Variants in SLC24A2 observed in about 807,000 individuals in gnomAD.
SLC24A2 encodes sodium/potassium/calcium exchanger 2.
A neutral mutation model predicts 62.0 loss-of-function variants in SLC24A2; 36 were observed. The observed-to-expected ratio is 0.58, with a 90% confidence interval of 0.44 to 0.77. The LOEUF is 0.77. SLC24A2 is among the 30% of genes least tolerant of loss of function. SLC24A2 has a pLI of 0.00. For synonymous variants in SLC24A2, 358 were observed against 294.0 expected (o/e 1.22, Z -2.23); for missense variants, 846 against 817.9 (o/e 1.03, Z -0.42).
At chr9:20,243,975 G>A in the SLC24A2 span, among the ~76,000 whole-genome samples, 8 of 152,068 alleles carry the variant, frequency 5.3e-5, no homozygotes, top group Non-Finnish European at 1.0e-4. Flanking sequence ...GGGATCAGGC[G>A]GAGATTTCTA....
At chr9:19,732,617 C>T (rs1432843070) in intron 2 of SLC24A2, among the ~76,000 whole-genome samples, 1 of 152,174 alleles carries the variant, frequency 6.6e-6, no homozygotes, top group East Asian at 1.9e-4. Context: ...GTCAGTCATA[C>T]ATTAGTATAT....
the SLC24A2 span, among the ~76,000 whole-genome samples, chr9:20,009,190 C>T: frequency 1.3e-5 from 2 of 152,082 alleles, no homozygotes; most frequent in East Asian, 1.9e-4. Flanking sequence ...TCACTCCAGT[C>T]TCATCCTATG....
chr9:20,141,009 T>G, the SLC24A2 span, among the ~76,000 whole-genome samples: 2 of 152,006 alleles, frequency 1.3e-5, no homozygotes, highest in African/African-American at 4.8e-5. Context: ...CTTTATCATC[T>G]CTCCTCTCCT....
At chr9:19,912,227 C>T in the SLC24A2 span, among the ~76,000 whole-genome samples, 1 of 151,978 alleles carries the variant, frequency 6.6e-6, no homozygotes, top group Non-Finnish European at 1.5e-5. Flanking sequence ...GAAAGGAGAC[C>T]TTAGGGATCA....
intron 5 of SLC24A2, among the ~76,000 whole-genome samples, chr9:19,588,468 C>G (rs1234702493): frequency 6.6e-6 from 1 of 152,102 alleles, no homozygotes; most frequent in Non-Finnish European, 1.5e-5. Context: ...ATTGGAGATT[C>G]TGTGTAGGAA....
At chr9:19,647,231 C>T (rs1818668803) in intron 2 of SLC24A2, among the ~76,000 whole-genome samples, 1 of 141,512 alleles carries the variant, frequency 7.1e-6, no homozygotes, top group Non-Finnish European at 1.6e-5. Flanking sequence ...ATCTATGTAT[C>T]CCCCATAGAA....
At chr9:19,634,281 C>CTTT (rs35884916) in intron 2 of SLC24A2, among the ~76,000 whole-genome samples, 2,209 of 78,802 alleles carry the variant, frequency 0.028, 11 homozygotes, top group Non-Finnish European at 0.034. Flanking sequence ...ACTGCAGCCT[C>CTTT]TTTTTTTTTT....
the SLC24A2 span, among the ~76,000 whole-genome samples, chr9:19,829,179 C>A: frequency 1.3e-5 from 2 of 152,166 alleles, no homozygotes; most frequent in Non-Finnish European, 2.9e-5. Flanking sequence ...GTTTGCATAG[C>A]TCTTGTTTCT....
chr9:20,197,279 A>G, the SLC24A2 span, among the ~76,000 whole-genome samples: 2 of 152,150 alleles, frequency 1.3e-5, no homozygotes, highest in African/African-American at 2.4e-5. Flanking sequence ...AGTTGGATCA[A>G]TGTATATTCT....
the SLC24A2 span, among the ~76,000 whole-genome samples, chr9:20,012,392 A>T: frequency 6.6e-6 from 1 of 152,158 alleles, no homozygotes; most frequent in Non-Finnish European, 1.5e-5. Context: ...CGCAGGAAAG[A>T]CCTGCCCCTA....
At chr9:19,874,075 CTTTTTTT>C in the SLC24A2 span, among the ~76,000 whole-genome samples, 21 of 107,282 alleles carry the variant, frequency 2.0e-4, no homozygotes, top group South Asian at 8.9e-4. Context: ...CTTTTCTTTT[CTTTTTTT>C]TTTTTTTTTT....
chr9:19,776,816 T>G (rs964590190), intron 2 of SLC24A2, among the ~76,000 whole-genome samples: 1 of 152,182 alleles, frequency 6.6e-6, no homozygotes, highest in Non-Finnish European at 1.5e-5. Flanking sequence ...GGTTAGAATA[T>G]TCCACGTTGT....
chr9:19,729,755 G>C (rs1204977311), intron 2 of SLC24A2, among the ~76,000 whole-genome samples: 5 of 152,106 alleles, frequency 3.3e-5, no homozygotes, highest in Non-Finnish European at 7.4e-5. Context: ...ATTTATTAAA[G>C]GATATAAAAT....
the SLC24A2 span, among the ~76,000 whole-genome samples, chr9:20,011,817 G>C: frequency 2.0e-5 from 3 of 152,074 alleles, no homozygotes; most frequent in East Asian, 1.9e-4. Flanking sequence ...GAGACTTTAA[G>C]AACACGTCAA....
At chr9:19,766,567 G>C (rs1161218928) in intron 2 of SLC24A2, among the ~76,000 whole-genome samples, 1 of 152,178 alleles carries the variant, frequency 6.6e-6, no homozygotes, top group Admixed American at 6.5e-5. Context: ...CTCTTCTGTA[G>C]GTCTGCTGGA....
At chr9:19,636,322 T>TCCTTC (rs1554690373) in intron 2 of SLC24A2, among the ~76,000 whole-genome samples, 6 of 30,562 alleles carry the variant, frequency 2.0e-4, no homozygotes, top group African/African-American at 6.1e-4. Flanking sequence ...TTCTTTTCTT[T>TCCTTC]CTTTCTTTCT....
In SLC24A2 at chr9:19,511,729, T is replaced by A. The variant is rs1832724150; in HGVS notation, c.*4424A>T. 1 of 152,124 alleles carries A rather than the reference T, an allele frequency of 6.6e-6. No individual in the cohort carries two copies. The highest frequency in any genetic ancestry group is 2.4e-5 in the African/African-American group (1 of 41,410). The allele number at this position is 152,124 out of a possible 1,614,324, so 9.4% of individuals were successfully genotyped here. On this transcript the variant is annotated 3_prime_UTR_variant, in exon 11 of 11. Transcript: ENST00000341998. ...TATGCATGCTTTCAGGAGACAGTAG[T>A]TTTCTCCAGAAATCACCCTGAGAAC...
chr9:20,098,886 T>C, the SLC24A2 span, among the ~76,000 whole-genome samples: 1 of 152,254 alleles, frequency 6.6e-6, no homozygotes, highest in Non-Finnish European at 1.5e-5. Context: ...TGTTCCTAGC[T>C]CATTCTCTTA....
At chr9:19,622,137 G>T in intron 3 of SLC24A2, 124 bp downstream of exon 3, 2 of 789,960 alleles carry the variant, frequency 2.5e-6, no homozygotes, top group Non-Finnish European at 4.4e-6. Context: ...TCAGGGGTTA[G>T]ATTATTTAAG....
Sources: gnomAD v4.1 joint callset for allele counts (sites outside exome capture counted in the v4.1 genomes callset) on GRCh38, gnomAD v4.1.1 for gene constraint, MANE v1.5 for transcripts, NCBI Gene and HGNC (gene_info 2026-07-23, HGNC 2026-07-21) for gene names.